Variants in MALRD1 observed in about 807,000 individuals in gnomAD.
The protein encoded by MALRD1 is MAM and LDL-receptor class A domain-containing protein 1.
In MALRD1, 247 loss-of-function variants were observed where a neutral mutation model predicts 242.1. The observed-to-expected ratio is 1.02, with a 90% CI of 0.92 to 1.13. MALRD1 has a LOEUF of 1.13. Among genes scored for constraint, MALRD1 ranks in the 50% most tolerant of loss-of-function variants. MALRD1 has a pLI of 0.00. For missense variants in MALRD1, 2,989 were observed against 2,533.1 expected (o/e 1.18, Z -3.86); for synonymous variants, 995 against 866.6 (o/e 1.15, Z -2.60).
intron 21 of MALRD1, among the ~76,000 whole-genome samples, chr10:19,293,424 A>G (rs1406341353): frequency 6.6e-6 from 1 of 152,224 alleles, no homozygotes; most frequent in Non-Finnish European, 1.5e-5. Context: ...ACACAAAACA[A>G]TGTCCTTATT....
intron 5 of MALRD1, among the ~76,000 whole-genome samples, chr10:19,110,178 G>C (rs767281475): frequency 4.6e-5 from 7 of 152,102 alleles, no homozygotes; most frequent in Non-Finnish European, 1.0e-4. Context: ...TTTCATGGAG[G>C]GAAAATACAT....
intron 5 of MALRD1, among the ~76,000 whole-genome samples, chr10:19,110,586 A>G (rs77283970): frequency 2.2e-3 from 328 of 152,352 alleles, no homozygotes; most frequent in Middle Eastern, 0.01. Flanking sequence ...ATTTATCAAT[A>G]GAGAATATAT....
chr10:19,456,750 C>CATTTATTTATTT (rs148086758), intron 29 of MALRD1, among the ~76,000 whole-genome samples: 4,783 of 141,596 alleles, frequency 0.034, 116 homozygotes, highest in East Asian at 0.045. Flanking sequence ...TTAAAAGTGA[C>CATTTATTTATTT]ATTTATTTAT....
chr10:19,293,551 T>A (rs1297330271), intron 21 of MALRD1, among the ~76,000 whole-genome samples: 6 of 152,210 alleles, frequency 3.9e-5, no homozygotes, highest in African/African-American at 7.2e-5. Context: ...ATATTTTATC[T>A]GGATAATTTT....
chr10:19,343,804 T>C lies in MALRD1; in HGVS notation c.3902-3967T>C, dbSNP rs573958559. On this transcript the variant is annotated intron_variant, in intron 24 of 39. Coordinates refer to ENST00000454679, the MANE Select transcript of MALRD1 (RefSeq NM_001142308.3). ...CCAATAATGTACACAAGAACAAGTG[T>C]TTCCACGTCCTTGTGATGATTTGGT... 1.8e-4 allele frequency among the ~76,000 whole-genome samples: 27 copies of C among 152,262 alleles called. No homozygotes were observed. The East Asian group carries it at 5.2e-3, about 29-fold the overall frequency.
Position 19,734,229 on chromosome 10 carries a change from C to G in MALRD1, c.6463C>G (p.Leu2155Val). ...SGSLETLSHH[L>V]K ...AAGCCTGGAGACCCTGTCACATCATCTCAAATAGCAGCATCGAGACCAAGT... is the reference window on the plus strand; with the variant it reads ...AAGCCTGGAGACCCTGTCACATCATGTCAAATAGCAGCATCGAGACCAAGT... The change falls in exon 40 of 40, where the codon CTC becomes GTC. Residue 2155 changes from leucine (L) to valine (V), a missense_variant. Transcript: ENST00000454679. 1 of 1,535,548 alleles carries G rather than the reference C, an allele frequency of 6.5e-7. No homozygotes were observed. Among genetic ancestry groups the G allele is most frequent in the East Asian group, 2.4e-5 (1 of 40,888 alleles).
chr10:19,587,922 T>TC (rs1409099648), intron 33 of MALRD1, among the ~76,000 whole-genome samples: 1 of 151,428 alleles, frequency 6.6e-6, no homozygotes, highest in Non-Finnish European at 1.5e-5. Flanking sequence ...TTTTTTTTTT[T>TC]TCTTAAATAT....
chr10:19,388,478 CAT>C (rs1846183009), intron 27 of MALRD1, among the ~76,000 whole-genome samples: 1 of 152,166 alleles, frequency 6.6e-6, no homozygotes, highest in Admixed American at 6.5e-5. Flanking sequence ...TTCTGCCACT[CAT>C]GTGATCATTA....
intron 34 of MALRD1, among the ~76,000 whole-genome samples, chr10:19,604,721 C>T (rs1028823389): frequency 1.3e-5 from 2 of 152,102 alleles, no homozygotes; most frequent in African/African-American, 4.8e-5. Context: ...GAAGTCAATG[C>T]CTGGCTTAAC....
intron 23 of MALRD1, among the ~76,000 whole-genome samples, chr10:19,329,611 G>C (rs1843279788): frequency 6.6e-6 from 1 of 152,120 alleles, no homozygotes; most frequent in Non-Finnish European, 1.5e-5. Flanking sequence ...ATACCCAGAT[G>C]TTAGGTCTTT....
At chr10:19,720,543 G>C (rs2131904818) in intron 38 of MALRD1, among the ~76,000 whole-genome samples, 1 of 152,240 alleles carries the variant, frequency 6.6e-6, no homozygotes, top group South Asian at 2.1e-4. Context: ...GAATCTTAAA[G>C]TCTAAGTTCC....
At chr10:19,275,887 G>A (rs1317086898) in intron 19 of MALRD1, among the ~76,000 whole-genome samples, 2 of 152,050 alleles carry the variant, frequency 1.3e-5, no homozygotes, top group Non-Finnish European at 2.9e-5. Flanking sequence ...ATAATATACA[G>A]CAATGTGAAG....
At chr10:19,488,405 T>C (rs1837325574) in intron 29 of MALRD1, among the ~76,000 whole-genome samples, 1 of 152,146 alleles carries the variant, frequency 6.6e-6, no homozygotes, top group African/African-American at 2.4e-5. Flanking sequence ...TATGTGATGA[T>C]ACTCATTGTA....
intron 31 of MALRD1, among the ~76,000 whole-genome samples, chr10:19,520,285 A>T (rs561792028): frequency 6.6e-6 from 1 of 152,136 alleles, no homozygotes; most frequent in South Asian, 2.1e-4. Flanking sequence ...ATGACATAAA[A>T]ATGGTAATCG....
At chr10:19,731,354 T>C (rs937101796) in intron 39 of MALRD1, among the ~76,000 whole-genome samples, 2 of 152,194 alleles carry the variant, frequency 1.3e-5, no homozygotes, top group African/African-American at 4.8e-5. Flanking sequence ...ATTTTTTATA[T>C]TTTAAGTCAT....
At chr10:19,065,896 C>G (rs1201447222) in intron 1 of MALRD1, among the ~76,000 whole-genome samples, 1 of 152,050 alleles carries the variant, frequency 6.6e-6, no homozygotes, top group East Asian at 1.9e-4. Context: ...TCAGAGGGGT[C>G]TCTGTGATCT....
intron 18 of MALRD1, among the ~76,000 whole-genome samples, chr10:19,216,365 C>T (rs950952634): frequency 1.3e-5 from 2 of 151,842 alleles, no homozygotes; most frequent in Non-Finnish European, 2.9e-5. Flanking sequence ...ATCTGCCTGA[C>T]TCGGCCTCCC....
intron 9 of MALRD1, among the ~76,000 whole-genome samples, chr10:19,135,559 T>A (rs1005482615): frequency 1.3e-5 from 2 of 152,210 alleles, no homozygotes; most frequent in African/African-American, 4.8e-5. Flanking sequence ...TTTAACCACA[T>A]TTAGTGCTGT....
Position 19,549,521 on chromosome 10 carries a change from T to C in MALRD1, c.5479-17981T>C, listed in dbSNP as rs558550122. Reference sequence around the variant, plus strand: ...GACCCTTCACCAGCAAGATTATGACTTGAAGGCTGAGATGGTCATTAGCAT... The same window carrying C: ...GACCCTTCACCAGCAAGATTATGACCTGAAGGCTGAGATGGTCATTAGCAT... On this transcript the variant is annotated intron_variant, in intron 32 of 39. Coordinates refer to ENST00000454679, the MANE Select transcript of MALRD1 (RefSeq NM_001142308.3). 3.3e-5 allele frequency among the ~76,000 whole-genome samples: 5 copies of C among 152,284 alleles called. No homozygotes were observed. The East Asian group carries it at 9.6e-4, about 29-fold the overall frequency.
Sources: gnomAD v4.1 joint callset for allele counts (sites outside exome capture counted in the v4.1 genomes callset) on GRCh38, gnomAD v4.1.1 for gene constraint, MANE v1.5 for transcripts, NCBI Gene and HGNC (gene_info 2026-07-23, HGNC 2026-07-21) for gene names.